Variants in COG5 observed in about 807,000 individuals in gnomAD.
COG5 encodes the protein conserved oligomeric Golgi complex subunit 5.
Under a neutral mutation model 110.4 loss-of-function variants are expected in COG5, and 86 were observed. The ratio of observed to expected loss-of-function variants is 0.78; its 90% CI spans 0.65 to 0.93. The LOEUF is 0.93. Among genes scored for constraint, COG5 ranks in the 40% least tolerant of loss-of-function variants. COG5 has a pLI of 0.00. For missense variants in COG5, 1,077 were observed against 987.0 expected (o/e 1.09, Z -1.22); for synonymous variants, 360 against 334.6 (o/e 1.08, Z -0.83).
intron 6 of COG5, among the ~76,000 whole-genome samples, chr7:107,515,981 A>G (rs1380114834): frequency 6.6e-6 from 1 of 152,238 alleles, no homozygotes; most frequent in Admixed American, 6.5e-5. Flanking sequence ...CTTAAATAAC[A>G]TCACCACTTT....
chr7:107,296,667 TC>T (rs1175136308), intron 12 of COG5, among the ~76,000 whole-genome samples: 1 of 150,978 alleles, frequency 6.6e-6, no homozygotes, highest in African/African-American at 2.4e-5. Flanking sequence ...CAAGAGACCT[TC>T]CCCAGTAGCT....
intron 6 of COG5, among the ~76,000 whole-genome samples, chr7:107,495,381 C>T (rs954650743): frequency 5.3e-5 from 8 of 152,064 alleles, no homozygotes; most frequent in African/African-American, 1.9e-4. Flanking sequence ...AGCAACTACA[C>T]AATGCAGGGA....
rs904666566 is a variant in COG5, at chr7:107,331,329, G to A, written c.1027-6808C>T. Among the ~76,000 whole-genome samples the A allele has an allele frequency of 8.5e-5, 13 of 152,084 alleles. No individual in the cohort carries two copies. In the East Asian group the frequency reaches 1.2e-3, roughly 14 times the overall value. On this transcript the variant is annotated intron_variant, in intron 10 of 21. Transcript: ENST00000297135. ...AAAAATACAAAAAAATTAGCCAGGCGTGGTGGCGGGTGCCTATAGTCCCAG... is the reference window on the plus strand; with the variant it reads ...AAAAATACAAAAAAATTAGCCAGGCATGGTGGCGGGTGCCTATAGTCCCAG...
chr7:107,381,695 G>A lies in COG5; in HGVS notation c.670-8935C>T, dbSNP rs117384868. ...ATAAAGGAAAATGTACAAGACTCACGAAGAGCTAAAATGTTCAAAAATATC... is the reference window on the plus strand; with the variant it reads ...ATAAAGGAAAATGTACAAGACTCACAAAGAGCTAAAATGTTCAAAAATATC... On this transcript the variant is annotated intron_variant, in intron 7 of 21. Transcript: ENST00000297135. 8.0e-3 allele frequency among the ~76,000 whole-genome samples: 1,212 copies of A among 152,286 alleles called. 11 individuals are homozygous for A. The highest frequency in any genetic ancestry group is 0.017 in the Middle Eastern group (5 of 294).
intron 6 of COG5, among the ~76,000 whole-genome samples, chr7:107,526,948 A>T (rs912538152): frequency 6.6e-6 from 1 of 152,216 alleles, no homozygotes; most frequent in African/African-American, 2.4e-5. Flanking sequence ...ATTGTTCTGT[A>T]TCATGACTGT....
intron 6 of COG5, among the ~76,000 whole-genome samples, chr7:107,466,567 T>C (rs556615272): frequency 1.1e-4 from 16 of 152,330 alleles, no homozygotes; most frequent in Non-Finnish European, 5.9e-5. Flanking sequence ...ATATAGAAAA[T>C]GAATCACCAA....
At chr7:107,534,634 T>C (rs547880754) in intron 5 of COG5, among the ~76,000 whole-genome samples, 1 of 151,530 alleles carries the variant, frequency 6.6e-6, no homozygotes, top group Middle Eastern at 3.4e-3. Context: ...CCTAAATATA[T>C]ATGCACGCAA....
chr7:107,377,023 A>G (rs888532386), intron 7 of COG5, among the ~76,000 whole-genome samples: 1 of 152,142 alleles, frequency 6.6e-6, no homozygotes, highest in African/African-American at 2.4e-5. Flanking sequence ...GACAACTAGT[A>G]ATTTTACTTC....
At chr7:107,213,606 C>A (rs1364436402) in intron 19 of COG5, among the ~76,000 whole-genome samples, 1 of 152,192 alleles carries the variant, frequency 6.6e-6, no homozygotes, top group Admixed American at 6.5e-5. Flanking sequence ...AGTGGCCAGC[C>A]AGTAGTCTTG....
chr7:107,509,739 A>G (rs2129142976), intron 6 of COG5, among the ~76,000 whole-genome samples: 1 of 152,348 alleles, frequency 6.6e-6, no homozygotes. Context: ...GTGGGGACCA[A>G]TATTCAACAT....
intron 10 of COG5, among the ~76,000 whole-genome samples, chr7:107,333,926 G>T (rs1357589681): frequency 2.0e-5 from 3 of 152,040 alleles, no homozygotes; most frequent in African/African-American, 7.2e-5. Context: ...GATTAATAAG[G>T]TTTAGTTTCT....
intron 6 of COG5, 25 bp from the exon 7 acceptor site, chr7:107,412,657 T>C: frequency 7.5e-7 from 1 of 1,329,082 alleles, no homozygotes; most frequent in Non-Finnish European, 1.1e-6. Flanking sequence ...AACATACACA[T>C]TCAAATATTT....
rs1294382643 is a variant in COG5 at position 107,281,299 on chromosome 7, C to A, written c.1575+1G>T. 2 of 1,600,954 alleles carry A rather than the reference C, an allele frequency of 1.2e-6. No homozygotes were observed. Among genetic ancestry groups the A allele is most frequent in the South Asian group, 2.2e-5 (2 of 90,718 alleles). Reference sequence around the variant, plus strand: ...GTTTACAGATAAAGGAAACCACTTACAAGCTGCTCTGATTTTACACTGTAT... The same window carrying A: ...GTTTACAGATAAAGGAAACCACTTAAAAGCTGCTCTGATTTTACACTGTAT... On this transcript the variant is annotated splice_donor_variant, in intron 14 of 21. Coordinates refer to ENST00000297135, the MANE Select transcript of COG5 (RefSeq NM_006348.5). LOFTEE classifies it high-confidence loss of function.
intron 6 of COG5, among the ~76,000 whole-genome samples, chr7:107,461,274 G>A (rs1249626270): frequency 6.6e-6 from 1 of 151,698 alleles, no homozygotes; most frequent in Non-Finnish European, 1.5e-5. Context: ...ATGCAAGGTT[G>A]GCTTAACATT....
chr7:107,451,758 TTTC>T (rs1304084152), intron 6 of COG5, among the ~76,000 whole-genome samples: 2 of 152,170 alleles, frequency 1.3e-5, no homozygotes, highest in African/African-American at 4.8e-5. Context: ...TTAATAACAT[TTTC>T]TTTTCTCTAG....
intron 10 of COG5, among the ~76,000 whole-genome samples, chr7:107,345,406 T>A (rs1811513334): frequency 1.3e-5 from 2 of 152,062 alleles, no homozygotes; most frequent in Admixed American, 6.5e-5. Flanking sequence ...AAAAAATAAA[T>A]AAATAAAAAT....
At chr7:107,244,791 T>A (rs74906766) in intron 17 of COG5, among the ~76,000 whole-genome samples, 26,868 of 151,752 alleles carry the variant, frequency 0.18, 2,556 homozygotes, top group Non-Finnish European at 0.22. Flanking sequence ...GAGTTCCGAG[T>A]TTGAATCAGT....
At chr7:107,341,518 A>G (rs1165585398) in intron 10 of COG5, among the ~76,000 whole-genome samples, 1 of 152,196 alleles carries the variant, frequency 6.6e-6, no homozygotes, top group African/African-American at 2.4e-5. Flanking sequence ...AAAATTAGAA[A>G]AAAGTATTCT....
chr7:107,293,725 CT>C (rs1482308170), intron 12 of COG5, among the ~76,000 whole-genome samples: 2 of 152,064 alleles, frequency 1.3e-5, no homozygotes, highest in African/African-American at 4.8e-5. Context: ...TCTCTTTTCT[CT>C]CCATATATAA....
Sources: allele counts gnomAD v4.1 joint callset (sites outside exome capture counted in the v4.1 genomes callset), GRCh38; gene constraint gnomAD v4.1.1; transcripts MANE v1.5; gene names NCBI Gene and HGNC (gene_info 2026-07-23, HGNC 2026-07-21).